The following DYSF variants were observed in gnomAD, a reference collection of about 807,000 sequenced individuals.
DYSF encodes dystrophy-associated fer-1-like 1.
A neutral mutation model predicts 274.9 loss-of-function variants in DYSF; 212 were observed. The ratio of observed to expected loss-of-function variants is 0.77; its 90% confidence interval spans 0.69 to 0.86. DYSF has a LOEUF of 0.86. DYSF is among the 40% of genes least tolerant of loss of function. The probability of loss-of-function intolerance (pLI) is 0.00; values close to 1 mark genes in which losing one functional copy is unlikely to be tolerated. For synonymous variants in DYSF, 1,091 were observed against 1,078.7 expected, an observed-to-expected ratio of 1.01 and a Z score of -0.22; for missense variants, 2,666 against 2,783.2, an observed-to-expected ratio of 0.96 and a Z score of 0.95.
chr2:71,529,692 G>C (rs1202805037), intron 14 of DYSF, among the ~76,000 whole-genome samples: 1 of 152,190 alleles, frequency 6.6e-6, no homozygotes. Flanking sequence ...TCTTGGCACT[G>C]TACGGATGTC....
intron 17 of DYSF, among the ~76,000 whole-genome samples, chr2:71,543,284 C>G (rs544061041): frequency 5.7e-4 from 86 of 149,786 alleles, no homozygotes; most frequent in African/African-American, 2.1e-3. Context: ...CAGAGGCACT[C>G]CCCACATCTC....
At chr2:71,668,220 C>T (rs13420579) in intron 48 of DYSF, among the ~76,000 whole-genome samples, 1,889 of 152,268 alleles carry the variant, frequency 0.012, 43 homozygotes, top group African/African-American at 0.043. Flanking sequence ...GTTTGGCTAC[C>T]GGCCTCCCCA....
rs1035503735 is a variant in DYSF at position 71,620,671 on chromosome 2, G to A, written c.4527+62G>A. ...TCCCTTGTGGGGCTGGGGGTAGGGG[G>A]GTTAGGAGGGAAATGGGAGGGGAGA... is the stretch of plus-strand genomic sequence containing the variant. On this transcript the variant is annotated intron_variant, in intron 41 of 55. Coordinates refer to ENST00000410020, the MANE Select transcript of DYSF (RefSeq NM_001130987.2). 2.8e-5 allele frequency: 41 copies of A among 1,485,112 alleles called. No homozygotes were observed. The African/African-American group carries it at 5.5e-4, about 20-fold the overall frequency. The allele number at this position is 1,485,112 out of a possible 1,614,324, so 92.0% of individuals were successfully genotyped here.
chr2:71,522,560 C>T (rs755385215), intron 12 of DYSF, among the ~76,000 whole-genome samples: 4 of 152,116 alleles, frequency 2.6e-5, no homozygotes, highest in Non-Finnish European at 4.4e-5. Context: ...GTGTCCTGCC[C>T]GTCACTGTTG....
rs1573138313 is a variant in DYSF, at chr2:71,674,254, C to T, written c.5842C>T (p.Gln1948Ter). The stretch of plus-strand genomic sequence containing the variant: ...CAAAATCCCAGCACGAGTGGTGTTC[C>T]AGATCTGGGACAATGACAAGTTCTC... ...ESKIPARVVFQIWDNDKFSFD... is the reference protein window; with the variant it reads ...ESKIPARVVF Residue 1948 changes from glutamine to a stop codon, truncating the protein, a stop_gained, in exon 52 of 56, where the codon CAG (glutamine) becomes TAG (stop). Transcript: ENST00000410020. LOFTEE classifies it high-confidence loss of function. 7 of 1,614,220 alleles carry T rather than the reference C, an allele frequency of 4.3e-6. No homozygotes were observed. Among genetic ancestry groups the T allele is most frequent in the East Asian group, 2.2e-5 (1 of 44,882 alleles).
chr2:71,570,038 C>T, intron 27 of DYSF, 104 bp downstream of exon 27: 2 of 1,182,436 alleles, frequency 1.7e-6, no homozygotes, highest in South Asian at 2.5e-5. Flanking sequence ...CCCCTCTTAC[C>T]TCCGGAGACT....
intron 51 of DYSF, 114 bp from the exon 52 acceptor site, chr2:71,674,083 T>C (rs868418185): frequency 1.0e-5 from 9 of 900,780 alleles, no homozygotes; most frequent in South Asian, 1.4e-5. Context: ...GGCAGGTCCC[T>C]TGGGGACATC....
In DYSF at chr2:71,564,103, G is replaced by C; in HGVS notation, c.2455G>C (p.Asp819His). ...CATCGTCATCTGGATGCTGCAGGGA[G>C]ACAAGCGTGTGGCATACCAGCGGGT... is the stretch of plus-strand genomic sequence containing the variant. ...PDIVIWMLQGDKRVAYQRVPA... is the reference protein window; with the variant it reads ...PDIVIWMLQGHKRVAYQRVPA... Residue 819 changes from aspartate to histidine, a missense_variant, in exon 24 of 56, where the codon GAC (aspartate) becomes CAC (histidine). Coordinates refer to ENST00000410020, the MANE Select transcript of DYSF (RefSeq NM_001130987.2). 6.2e-7 allele frequency: 1 copy of C among 1,614,268 alleles called. No individual in the cohort carries two copies. The highest frequency in any genetic ancestry group is 8.5e-7 in the Non-Finnish European group (1 of 1,180,046).
rs537109740 is a variant in DYSF, at chr2:71,483,359, C to T, written c.239+1389C>T. ...CTAACAAGCATGAATGGTGGACCCG[C>T]AGATCAGGGAGGGAGCAGCCCTGGA... On this transcript the variant is annotated intron_variant, in intron 3 of 55. Transcript: ENST00000410020. Among the ~76,000 whole-genome samples, 7 of 152,350 alleles carry T rather than the reference C, an allele frequency of 4.6e-5. No homozygotes were observed. The South Asian group carries it at 1.4e-3, about 32-fold the overall frequency.
intron 39 of DYSF, among the ~76,000 whole-genome samples, 182 bp from the exon 40 acceptor site, chr2:71,613,152 G>A (rs2093804641): frequency 6.6e-6 from 1 of 152,152 alleles, no homozygotes; most frequent in Admixed American, 6.5e-5. Context: ...ATGTGAAGGA[G>A]GATGGGAGAG....
At chr2:71,502,924 C>T (rs573957126) in intron 3 of DYSF, among the ~76,000 whole-genome samples, 3 of 152,154 alleles carry the variant, frequency 2.0e-5, no homozygotes, top group East Asian at 1.9e-4. Context: ...TCTGGGGAGG[C>T]GTGGCTGGGC....
rs2093670191 is a variant in DYSF, at chr2:71,607,621, A to G, written c.3958-3624A>G. ...CTGGTGAATCCAGGCAAGAGAGGGT[A>G]GTGGCTTGCACTGAGCAAAGGAGAT... On this transcript the variant is annotated intron_variant, in intron 36 of 55. Transcript: ENST00000410020. 3.9e-5 allele frequency among the ~76,000 whole-genome samples: 6 copies of G among 152,134 alleles called. No individual in the cohort carries two copies. The South Asian group carries it at 1.2e-3, about 31-fold the overall frequency.
chr2:71,516,205 C>G lies in DYSF; in HGVS notation c.914C>G (p.Ser305Cys), dbSNP rs1559055169. ...NETLFFNLFDSPGELFDEPIF... is the reference protein window; with the variant it reads ...NETLFFNLFDCPGELFDEPIF... The stretch of plus-strand genomic sequence containing the variant: ...ACTCTTTTCTTCAACTTGTTTGACT[C>G]TCCTGGGGAGCTGTTTGATGAGCCC... The change falls in exon 9 of 56, where the codon TCT (serine) becomes TGT (cysteine). Residue 305 changes from serine to cysteine, a missense_variant. By Grantham distance (112) the Ser-to-Cys change is moderately radical (BLOSUM62 -1). This residue lies in a region of DYSF where 794 missense variants were observed against 777.1 expected (regional missense o/e 1.02). Transcript: ENST00000410020. The G allele has an allele frequency of 6.2e-7, 1 of 1,614,202 alleles. No homozygotes were observed. Among genetic ancestry groups the G allele is most frequent in the African/African-American group, 1.3e-5 (1 of 75,042 alleles).
intron 16 of DYSF, among the ~76,000 whole-genome samples, chr2:71,536,079 C>T (rs917562325): frequency 3.3e-5 from 5 of 152,210 alleles, no homozygotes; most frequent in Non-Finnish European, 7.3e-5. Context: ...CTAGTCCATG[C>T]CACCTCCTGC....
At chr2:71,512,357 A>G (rs114753317) in intron 5 of DYSF, among the ~76,000 whole-genome samples, 251 of 152,260 alleles carry the variant, frequency 1.6e-3, no homozygotes, top group African/African-American at 5.6e-3. Context: ...GTGACAAAAG[A>G]ACTAGTTTTT....
chr2:71,638,530 G>C (rs985855897), intron 41 of DYSF, among the ~76,000 whole-genome samples: 1 of 152,072 alleles, frequency 6.6e-6, no homozygotes, highest in Non-Finnish European at 1.5e-5. Context: ...AATATTTTTT[G>C]TTTCTATATA....
intron 17 of DYSF, among the ~76,000 whole-genome samples, chr2:71,541,524 T>C (rs1305883540): frequency 6.6e-6 from 1 of 151,942 alleles, no homozygotes; most frequent in Non-Finnish European, 1.5e-5. Flanking sequence ...TTTTTCTTGA[T>C]TAGCTGGTTA....
At chr2:71,669,572 T>C in intron 50 of DYSF, 33 bp from the exon 51 acceptor site, 1 of 1,614,104 alleles carries the variant, frequency 6.2e-7, no homozygotes, top group Non-Finnish European at 8.5e-7. Context: ...GAAATCTTAA[T>C]GAGAACTATT....
chr2:71,617,905 G>T (rs2093941612), intron 40 of DYSF, among the ~76,000 whole-genome samples: 2 of 86,568 alleles, frequency 2.3e-5, no homozygotes, highest in African/African-American at 3.8e-5. Flanking sequence ...GTGTGTTTGT[G>T]GTAGAGGTGT....
Sources: gnomAD v4.1 joint callset for allele counts (sites outside exome capture counted in the v4.1 genomes callset) on GRCh38, gnomAD v4.1.1 for gene constraint, gnomAD v4.1.1 regional missense constraint, MANE v1.5 for transcripts, NCBI Gene and HGNC (gene_info 2026-07-23, HGNC 2026-07-21) for gene names.